TAF4B: variants seen among roughly 807,000 people sequenced by gnomAD.
TAF4B encodes TATA-box binding protein associated factor 4b, also known as transcription initiation factor TFIID subunit 4B.
A neutral mutation model predicts 86.4 loss-of-function variants in TAF4B; 38 were observed. The ratio of observed to expected loss-of-function variants is 0.44; its 90% CI spans 0.34 to 0.58. The LOEUF is 0.58. Ranked by LOEUF, TAF4B falls within the 20% of genes least tolerant of loss-of-function variation. TAF4B has a pLI of 0.02. For synonymous variants in TAF4B, 388 were observed against 391.2 expected, an observed-to-expected ratio of 0.99 and a Z score of 0.10; for missense variants, 988 against 1,027.6, an observed-to-expected ratio of 0.96 and a Z score of 0.53.
chr18:26,360,677 T>C (rs1405099033), intron 14 of TAF4B, among the ~76,000 whole-genome samples: 3 of 152,188 alleles, frequency 2.0e-5, no homozygotes, highest in Admixed American at 1.3e-4. Context: ...TCTCTCATTC[T>C]CCCTTAGGCT....
At chr18:26,231,034 C>CTTTTTTTTTTTTTTTTGTTTTT (rs2055658494) in intron 1 of TAF4B, among the ~76,000 whole-genome samples, 1 of 66,164 alleles carries the variant, frequency 1.5e-5, no homozygotes, top group African/African-American at 5.8e-5. Context: ...TGTTGTTTTG[C>CTTTTTTTTTTTTTTTTGTTTTT]TTTTTTTTTT....
chr18:26,342,215 A>G (rs2057142203), intron 13 of TAF4B, among the ~76,000 whole-genome samples: 1 of 151,918 alleles, frequency 6.6e-6, no homozygotes, highest in African/African-American at 2.4e-5. Context: ...TGTTTCTCTA[A>G]TTTCTTTAGA....
intron 14 of TAF4B, among the ~76,000 whole-genome samples, chr18:26,387,670 C>T (rs1225341004): frequency 2.0e-5 from 3 of 152,126 alleles, no homozygotes. Flanking sequence ...GAGAGACTGG[C>T]TCTATACTGT....
chr18:26,231,677 T>C (rs1259278816), intron 1 of TAF4B, among the ~76,000 whole-genome samples: 1 of 152,088 alleles, frequency 6.6e-6, no homozygotes, highest in African/African-American at 2.4e-5. Context: ...AGTATTAGTG[T>C]GTCCAGAGTT....
Position 26,380,333 on chromosome 18 carries a change from A to G in TAF4B, c.2422-9512A>G, listed in dbSNP as rs566016637. On this transcript the variant is annotated intron_variant, in intron 14 of 14. Transcript: ENST00000269142. ...TTCTACTTTAGCCTCAACCCTACAA[A>G]TTTAGATATGTTGTGTTTTTATTAT... 2.6e-5 allele frequency among the ~76,000 whole-genome samples: 4 copies of G among 152,146 alleles called. No homozygotes were observed. In the East Asian group the frequency reaches 7.7e-4, roughly 29 times the overall value.
chr18:26,286,186 C>T lies in TAF4B; in HGVS notation c.1277C>T (p.Ala426Val), dbSNP rs1024931010. Residue 426 changes from alanine to valine, a missense_variant, in exon 7 of 15, where the codon GCT becomes GTT. By Grantham distance (64) the Ala-to-Val change is moderately conservative. Transcript: ENST00000269142. ...ACTGCTGCAACAGGAGGAACAACAG[C>T]TGGAACTGGTTTGCTTCAGACTTCA... ...GPTAATGGTT[A>V]GTGLLQTSKP... 2 of 1,614,124 alleles carry T rather than the reference C, an allele frequency of 1.2e-6. No homozygotes were observed. Among genetic ancestry groups the T allele is most frequent in the African/African-American group, 2.7e-5 (2 of 74,944 alleles).
chr18:26,246,616 C>T (rs576096424), intron 1 of TAF4B, among the ~76,000 whole-genome samples: 6 of 152,148 alleles, frequency 3.9e-5, no homozygotes, highest in Admixed American at 1.3e-4. Context: ...TCACTGCAAC[C>T]TCCACCTCCC....
intron 13 of TAF4B, among the ~76,000 whole-genome samples, chr18:26,340,774 C>T (rs919318521): frequency 6.6e-6 from 1 of 152,040 alleles, no homozygotes; most frequent in African/African-American, 2.4e-5. Flanking sequence ...CTTTAAAAGT[C>T]ATCACTTTTA....
chr18:26,229,468 T>C (rs2055628282), intron 1 of TAF4B, among the ~76,000 whole-genome samples: 1 of 151,514 alleles, frequency 6.6e-6, no homozygotes, highest in South Asian at 2.1e-4. Flanking sequence ...AATCTTATAC[T>C]ATTTCTTTTA....
At chr18:26,238,904 A>C (rs1037079551) in intron 1 of TAF4B, among the ~76,000 whole-genome samples, 1 of 152,130 alleles carries the variant, frequency 6.6e-6, no homozygotes, top group Non-Finnish European at 1.5e-5. Context: ...CCATGTCCCT[A>C]CAAAGGACAT....
rs62085368 is a variant in TAF4B, at chr18:26,263,246, G to A, written c.344-1924G>A. ...TGGGATTACAGGCGTGAGCCACCAT[G>A]CCTGGCCAATAATTACTTTAGGTTA... On this transcript the variant is annotated intron_variant, in intron 1 of 14. Coordinates refer to ENST00000269142, the MANE Select transcript of TAF4B (RefSeq NM_005640.3). Among the ~76,000 whole-genome samples the A allele has an allele frequency of 6.9e-3, 1,057 of 152,274 alleles. 9 individuals carry two copies. Among genetic ancestry groups the A allele is most frequent in the Non-Finnish European group, 0.011 (733 of 68,030 alleles).
chr18:26,307,264 A>G (rs1300246562), intron 9 of TAF4B, among the ~76,000 whole-genome samples: 2 of 142,278 alleles, frequency 1.4e-5, no homozygotes, highest in African/African-American at 4.9e-5. Flanking sequence ...GTTAACTTAC[A>G]CTTTTCGGGG....
intron 1 of TAF4B, among the ~76,000 whole-genome samples, chr18:26,264,232 G>A (rs1430742003): frequency 6.6e-6 from 1 of 152,098 alleles, no homozygotes; most frequent in African/African-American, 2.4e-5. Context: ...TGGGATCAGG[G>A]ATTTGAGACC....
intron 1 of TAF4B, among the ~76,000 whole-genome samples, chr18:26,259,444 C>T (rs1047996244): frequency 6.6e-6 from 1 of 151,886 alleles, no homozygotes; most frequent in Non-Finnish European, 1.5e-5. Context: ...TCCTCCCACC[C>T]CGCGACAGGC....
At chr18:26,356,647 A>G (rs1239487554) in intron 13 of TAF4B, among the ~76,000 whole-genome samples, 1 of 152,118 alleles carries the variant, frequency 6.6e-6, no homozygotes, top group Non-Finnish European at 1.5e-5. Context: ...GTGACTGTCA[A>G]CCAGCCCCAG....
At chr18:26,279,507 G>A (rs2056420854) in intron 5 of TAF4B, among the ~76,000 whole-genome samples, 1 of 136,448 alleles carries the variant, frequency 7.3e-6, no homozygotes. Flanking sequence ...ATTCATATAG[G>A]ACCAAAAAAG....
At chr18:26,247,988 C>T (rs1292590673) in intron 1 of TAF4B, among the ~76,000 whole-genome samples, 4 of 132,162 alleles carry the variant, frequency 3.0e-5, no homozygotes, top group East Asian at 2.2e-4. Flanking sequence ...AGTTCTCCTA[C>T]GTCAAACCTA....
intron 9 of TAF4B, among the ~76,000 whole-genome samples, chr18:26,305,911 T>G (rs1265388001): frequency 6.6e-6 from 1 of 152,194 alleles, no homozygotes; most frequent in Non-Finnish European, 1.5e-5. Flanking sequence ...GAGAATTGGC[T>G]TAAAGAATTT....
chr18:26,244,129 C>T (rs1033803139), intron 1 of TAF4B, among the ~76,000 whole-genome samples: 3 of 152,228 alleles, frequency 2.0e-5, no homozygotes, highest in Non-Finnish European at 4.4e-5. Flanking sequence ...TTTATGTCTG[C>T]AGAAGTTTCT....
Sources: allele counts gnomAD v4.1 joint callset (sites outside exome capture counted in the v4.1 genomes callset), GRCh38; gene constraint gnomAD v4.1.1; transcripts MANE v1.5; gene names NCBI Gene and HGNC (gene_info 2026-07-23, HGNC 2026-07-21).